The following TDRD7 variants were observed in gnomAD, a reference collection of about 807,000 sequenced individuals.
TDRD7 encodes the protein tudor domain containing 7.
In TDRD7, 47 loss-of-function variants were observed where a neutral mutation model predicts 109.8. That is an observed-to-expected ratio of 0.43 (90% CI 0.34 to 0.55). TDRD7 has a LOEUF of 0.55. TDRD7 is among the 20% of genes least tolerant of loss of function. The probability of loss-of-function intolerance (pLI) is 0.03; values close to 1 mark genes in which losing one functional copy is unlikely to be tolerated. For synonymous variants in TDRD7, 424 were observed against 457.3 expected (o/e 0.93, Z 0.93); for missense variants, 1,164 against 1,319.2 (o/e 0.88, Z 1.82).
intron 6 of TDRD7, among the ~76,000 whole-genome samples, chr9:97,450,190 C>T (rs1483690784): frequency 1.3e-5 from 2 of 152,034 alleles, no homozygotes; most frequent in African/African-American, 4.8e-5. Context: ...ACACATGGTA[C>T]GTGAAGTTAC....
chr9:97,443,123 T>G (rs773237219), intron 6 of TDRD7, among the ~76,000 whole-genome samples: 6 of 152,144 alleles, frequency 3.9e-5, no homozygotes, highest in Non-Finnish European at 7.4e-5. Flanking sequence ...TGTAACCACT[T>G]TTTCCTCCAC....
intron 1 of TDRD7, among the ~76,000 whole-genome samples, chr9:97,427,674 C>T (rs1828023496): frequency 6.6e-6 from 1 of 152,174 alleles, no homozygotes; most frequent in Admixed American, 6.5e-5. Flanking sequence ...TACTTCTAAG[C>T]TGGAAACATT....
intron 16 of TDRD7, among the ~76,000 whole-genome samples, chr9:97,494,714 T>TATATATATATATATA (rs1564219961): frequency 2.7e-5 from 2 of 72,908 alleles, no homozygotes; most frequent in South Asian, 4.7e-4. Context: ...ATATATATAT[T>TATATATATATATATA]TTTTTTTTTT....
At chr9:97,447,250 G>A (rs765284728) in intron 6 of TDRD7, among the ~76,000 whole-genome samples, 2 of 152,110 alleles carry the variant, frequency 1.3e-5, no homozygotes, top group African/African-American at 4.8e-5. Flanking sequence ...GGGCTTTGAG[G>A]TAGATTTTTA....
At chr9:97,446,035 G>A (rs1047949812) in intron 6 of TDRD7, among the ~76,000 whole-genome samples, 3 of 152,146 alleles carry the variant, frequency 2.0e-5, no homozygotes, top group African/African-American at 4.8e-5. Flanking sequence ...AGGAGGCTGA[G>A]GTGGGAGGAT....
intron 4 of TDRD7, among the ~76,000 whole-genome samples, chr9:97,436,986 C>T (rs948001834): frequency 1.3e-5 from 2 of 152,132 alleles, no homozygotes; most frequent in African/African-American, 4.8e-5. Context: ...TCTCTACTTC[C>T]TCCTCTATCT....
At chr9:97,453,550 A>T (rs1428201295) in intron 6 of TDRD7, among the ~76,000 whole-genome samples, 1 of 150,868 alleles carries the variant, frequency 6.6e-6, no homozygotes, top group Non-Finnish European at 1.5e-5. Flanking sequence ...ATGGTACGGC[A>T]GCCCACCTGA....
At chr9:97,491,780 CTTG>C (rs1434378973) in intron 16 of TDRD7, among the ~76,000 whole-genome samples, 5 of 152,172 alleles carry the variant, frequency 3.3e-5, no homozygotes, top group Admixed American at 2.6e-4. Context: ...GAGGACAGAG[CTTG>C]TTAAGAAAAA....
In TDRD7 at chr9:97,444,904, C is replaced by T. The variant is rs16920414; in HGVS notation, c.855+3029C>T. ...CTTTGAAATTTTATCTTCAGGGAGG[C>T]TCTAATTAGTATGCTGTAAGCCGCT... On this transcript the variant is annotated intron_variant, in intron 6 of 16. Transcript: ENST00000355295. Among the ~76,000 whole-genome samples, 1,258 of 152,212 alleles carry T rather than the reference C, an allele frequency of 8.3e-3. 43 individuals are homozygous for T. The East Asian group carries it at 0.11, about 13-fold the overall frequency.
intron 16 of TDRD7, 139 bp from the exon 17 acceptor site, chr9:97,495,524 C>A (rs1829382658): frequency 8.8e-6 from 7 of 799,924 alleles, no homozygotes; most frequent in Non-Finnish European, 1.5e-5. Flanking sequence ...TGTTCAGTAA[C>A]CGTTTTTCAG....
chr9:97,454,336 C>T (rs372226962), intron 6 of TDRD7, among the ~76,000 whole-genome samples: 10 of 152,074 alleles, frequency 6.6e-5, no homozygotes, highest in South Asian at 2.1e-4. Flanking sequence ...AAAAATTAGC[C>T]GGGTGTGGTG....
chr9:97,458,046 G>A (rs1470756759), intron 6 of TDRD7, among the ~76,000 whole-genome samples: 55 of 152,248 alleles, frequency 3.6e-4, no homozygotes, highest in Non-Finnish European at 1.0e-4. Flanking sequence ...GTGGATAGGT[G>A]TAGCAAACCA....
At chr9:97,419,839 T>G (rs1827869593) in intron 1 of TDRD7, among the ~76,000 whole-genome samples, 1 of 152,160 alleles carries the variant, frequency 6.6e-6, no homozygotes, top group Non-Finnish European at 1.5e-5. Context: ...CAGGGTGATA[T>G]AATGGGAAAA....
At position 97,460,335 on chromosome 9, in the gene TDRD7, C is replaced by G; in HGVS notation, c.1013C>G (p.Ala338Gly). The change falls in exon 7 of 17, where the codon GCA becomes GGA. Residue 338 changes from alanine to glycine, a missense_variant. Physicochemically the swap from Ala to Gly is moderately conservative, Grantham distance 60 (BLOSUM62 0). Coordinates refer to ENST00000355295, the MANE Select transcript of TDRD7 (RefSeq NM_014290.3). ...PPLKGCPTVM[A>G]GDFKEKVADL... The stretch of plus-strand genomic sequence containing the variant: ...TTGAAAGGGTGTCCAACAGTTATGG[C>G]AGGAGACTTTAAAGAAAAAGTGGCA... 1 of 1,614,158 alleles carries G rather than the reference C, an allele frequency of 6.2e-7. No homozygotes were observed. Among genetic ancestry groups the G allele is most frequent in the Non-Finnish European group, 8.5e-7 (1 of 1,180,032 alleles).
Position 97,451,330 on chromosome 9 carries a change from C to T in TDRD7, c.856-8848C>T, listed in dbSNP as rs185230115. ...TTTAGAGACAGGTTTTGCTCTGTCC[C>T]TTAGGCTGGAGTGCAGTGCCACCAT... On this transcript the variant is annotated intron_variant, in intron 6 of 16. Coordinates refer to ENST00000355295, the MANE Select transcript of TDRD7 (RefSeq NM_014290.3). Among the ~76,000 whole-genome samples, 211 of 152,228 alleles carry T rather than the reference C, an allele frequency of 1.4e-3. 3 individuals are homozygous for T. Among genetic ancestry groups the T allele is most frequent in the Non-Finnish European group, 1.5e-4 (10 of 68,008 alleles).
chr9:97,437,010 ATTAG>A (rs1828212928), intron 4 of TDRD7, among the ~76,000 whole-genome samples: 1 of 152,120 alleles, frequency 6.6e-6, no homozygotes, highest in Non-Finnish European at 1.5e-5. Context: ...AATTTGGTTT[ATTAG>A]TTCCATTGTG....
intron 6 of TDRD7, among the ~76,000 whole-genome samples, chr9:97,448,794 T>A (rs2118413095): frequency 6.6e-6 from 1 of 152,328 alleles, no homozygotes; most frequent in Middle Eastern, 3.4e-3. Flanking sequence ...TCAACAAAAA[T>A]GACTACTACC....
At chr9:97,415,651 G>C (rs888221892) in intron 1 of TDRD7, among the ~76,000 whole-genome samples, 11 of 152,150 alleles carry the variant, frequency 7.2e-5, no homozygotes, top group Non-Finnish European at 1.5e-4. Flanking sequence ...AAAAAGGAAA[G>C]CACGAAAGCA....
rs142912842 is a variant in TDRD7 at position 97,464,925 on chromosome 9, C to T, written c.1526C>T (p.Thr509Ile). ...KEYYSKNPKI[T>I]PVQAVNVGQL... ...TATTACAGTAAGAATCCTAAGATCA[C>T]ACCAGTCCAGGCTGTGAATGTTGGG... Residue 509 changes from threonine (T) to isoleucine (I), a missense_variant, in exon 8 of 17, where the codon ACA becomes ATA. Around this residue, in one of 5 missense-constraint regions of TDRD7, gnomAD observed 261 missense variants for 336.2 expected, o/e 0.78. Coordinates refer to ENST00000355295, the MANE Select transcript of TDRD7 (RefSeq NM_014290.3). 2.5e-6 allele frequency: 4 copies of T among 1,614,046 alleles called. No homozygotes were observed. Among genetic ancestry groups the T allele is most frequent in the African/African-American group, 2.7e-5 (2 of 74,920 alleles).
Sources: gnomAD v4.1 joint callset for allele counts (sites outside exome capture counted in the v4.1 genomes callset) on GRCh38, gnomAD v4.1.1 for gene constraint, gnomAD v4.1.1 regional missense constraint, MANE v1.5 for transcripts, NCBI Gene and HGNC (gene_info 2026-07-23, HGNC 2026-07-21) for gene names.